DGKH: variants seen among roughly 807,000 people sequenced by gnomAD.
DGKH encodes the protein diacylglycerol kinase eta.
Under a neutral mutation model 159.3 loss-of-function variants are expected in DGKH, and 90 were observed. The observed-to-expected ratio is 0.57, with a 90% CI of 0.48 to 0.67. The LOEUF (loss-of-function observed/expected upper bound fraction) is 0.67. Among genes scored for constraint, DGKH ranks in the 30% least tolerant of loss-of-function variants. DGKH has a pLI of 0.00. For missense variants in DGKH, 1,181 were observed against 1,506.1 expected, an observed-to-expected ratio of 0.78 and a Z score of 3.57; for synonymous variants, 536 against 553.8, an observed-to-expected ratio of 0.97 and a Z score of 0.45.
chr13:42,256,089 C>T, intron 30 of DGKH: 1 of 1,231,002 alleles, frequency 8.1e-7, no homozygotes, highest in Non-Finnish European at 1.2e-6. Flanking sequence ...GAAAATGAAC[C>T]AGGAAGTAGT....
chr13:42,108,453 C>A (rs1954802000), intron 1 of DGKH, among the ~76,000 whole-genome samples: 1 of 152,112 alleles, frequency 6.6e-6, no homozygotes, highest in Non-Finnish European at 1.5e-5. Flanking sequence ...GTGCTGAATT[C>A]ATTTGGAATT....
chr13:42,106,109 G>A (rs1157498395), intron 1 of DGKH, among the ~76,000 whole-genome samples: 3 of 152,020 alleles, frequency 2.0e-5, no homozygotes, highest in South Asian at 2.1e-4. Context: ...CTTGGTTCAA[G>A]TGATGGTCCT....
chr13:42,061,988 GGTGT>G (rs60863220), intron 1 of DGKH, among the ~76,000 whole-genome samples: 4 of 149,678 alleles, frequency 2.7e-5, no homozygotes, highest in Admixed American at 1.3e-4. Context: ...TGTGTGTGTG[GGTGT>G]GTGTGTGTGT....
At chr13:42,176,818 A>G (rs1005362440) in intron 12 of DGKH, among the ~76,000 whole-genome samples, 2 of 152,156 alleles carry the variant, frequency 1.3e-5, no homozygotes, top group Non-Finnish European at 2.9e-5. Flanking sequence ...GCTGTGTGAA[A>G]TGGAATATTA....
At chr13:42,179,766 G>A (rs866867320) in intron 13 of DGKH, among the ~76,000 whole-genome samples, 4 of 137,410 alleles carry the variant, frequency 2.9e-5, no homozygotes, top group Non-Finnish European at 6.2e-5. Flanking sequence ...GGGTGACAGA[G>A]TGAGATCTTG....
chr13:42,173,025 G>A (rs893165325), intron 11 of DGKH, among the ~76,000 whole-genome samples: 2 of 151,630 alleles, frequency 1.3e-5, no homozygotes, highest in African/African-American at 2.4e-5. Flanking sequence ...AGGCTGGAGT[G>A]CAGTGGCATG....
At position 42,229,206 on chromosome 13, in the gene DGKH, C is replaced by T. The variant is rs1484191849; in HGVS notation, c.*18C>T. 5 of 1,595,618 alleles carry T rather than the reference C, an allele frequency of 3.1e-6. No homozygotes were observed. In the South Asian group the frequency reaches 3.4e-5, roughly 11 times the overall value. On this transcript the variant is annotated 3_prime_UTR_variant, in exon 30 of 30. Transcript: ENST00000337343. ...AGGTGTAATCATATTGGTGCTATTT[C>T]TTGGAAGAGAAGTTATTGCCACTTA...
In DGKH at chr13:42,092,681, T is replaced by G. The variant is rs569062768; in HGVS notation, c.193-34782T>G. On this transcript the variant is annotated intron_variant, in intron 1 of 29. Coordinates refer to ENST00000337343, the MANE Select transcript of DGKH (RefSeq NM_178009.5). Reference sequence around the variant, plus strand: ...AGAAGGAGTAAGTTGTAGTGTCTGATAGTATAAAATGGAAATTATAGTTAA... The same window carrying G: ...AGAAGGAGTAAGTTGTAGTGTCTGAGAGTATAAAATGGAAATTATAGTTAA... 4.6e-5 allele frequency among the ~76,000 whole-genome samples: 7 copies of G among 152,290 alleles called. 1 individual carries two copies. In the East Asian group the frequency reaches 1.4e-3, roughly 29 times the overall value.
intron 7 of DGKH, 128 bp downstream of exon 7, chr13:42,160,264 A>G (rs1303421747): frequency 2.4e-6 from 3 of 1,265,568 alleles, no homozygotes; most frequent in African/African-American, 2.9e-5. Context: ...GCATCTCATG[A>G]TGACATTCTT....
At chr13:42,077,603 A>G (rs1437769120) in intron 1 of DGKH, among the ~76,000 whole-genome samples, 1 of 152,254 alleles carries the variant, frequency 6.6e-6, no homozygotes, top group Non-Finnish European at 1.5e-5. Context: ...AACTTTTACT[A>G]TGCTTGGCCC....
intron 1 of DGKH, among the ~76,000 whole-genome samples, chr13:42,085,385 A>G (rs781397971): frequency 1.3e-5 from 2 of 152,128 alleles, no homozygotes; most frequent in Admixed American, 6.6e-5. Flanking sequence ...CAGAAATGCC[A>G]TGGTTCCATG....
chr13:42,181,314 C>T (rs1375756036), intron 13 of DGKH, among the ~76,000 whole-genome samples: 1 of 149,790 alleles, frequency 6.7e-6, no homozygotes, highest in Non-Finnish European at 1.5e-5. Flanking sequence ...TATCCTCTTC[C>T]ACTGCAATTC....
At chr13:42,127,368 T>A in intron 1 of DGKH, 95 bp from the exon 2 acceptor site, 1 of 858,900 alleles carries the variant, frequency 1.2e-6, no homozygotes, top group Non-Finnish European at 1.9e-6. Context: ...AGAAATATTA[T>A]TCAAAATGTT....
At chr13:42,046,267 C>T (rs1880788350), upstream of DGKH, among the ~76,000 whole-genome samples, 1 of 152,158 alleles carries the variant, frequency 6.6e-6, no homozygotes, top group Non-Finnish European at 1.5e-5. Flanking sequence ...GTTTCAGTTG[C>T]TATTTTGAGC....
At chr13:42,088,113 G>A (rs112347861) in intron 1 of DGKH, among the ~76,000 whole-genome samples, 15 of 152,070 alleles carry the variant, frequency 9.9e-5, no homozygotes, top group South Asian at 2.1e-4. Context: ...ACAATAGAGC[G>A]ACAGTTTTAA....
At chr13:42,173,428 G>A (rs972816645) in intron 11 of DGKH, among the ~76,000 whole-genome samples, 1 of 152,106 alleles carries the variant, frequency 6.6e-6, no homozygotes, top group East Asian at 1.9e-4. Context: ...ATTAATACTT[G>A]TAGCTAATTG....
At chr13:42,252,273 G>A (rs1011463284) in intron 29 of DGKH, 1 of 152,040 alleles carries the variant, frequency 6.6e-6, no homozygotes, top group Non-Finnish European at 1.5e-5. Context: ...GACTTCTTGG[G>A]TTGGATGTTT....
At chr13:42,065,931 T>C (rs1042398663) in intron 1 of DGKH, among the ~76,000 whole-genome samples, 6 of 152,190 alleles carry the variant, frequency 3.9e-5, no homozygotes, top group African/African-American at 1.4e-4. Context: ...AGAGTCTCCT[T>C]CTGTGATCCA....
chr13:42,135,167 C>T (rs575582989), intron 3 of DGKH, among the ~76,000 whole-genome samples: 73 of 151,878 alleles, frequency 4.8e-4, no homozygotes, highest in Non-Finnish European at 9.1e-4. Context: ...TGGAAAAGGA[C>T]AATTTCTGAC....
Sources: allele counts gnomAD v4.1 joint callset (sites outside exome capture counted in the v4.1 genomes callset), GRCh38; gene constraint gnomAD v4.1.1; transcripts MANE v1.5; gene names NCBI Gene and HGNC (gene_info 2026-07-23, HGNC 2026-07-21).